Variants in M1AP observed in about 807,000 individuals in gnomAD.
The protein encoded by M1AP is meiosis 1 arrest protein.
Under a neutral mutation model 51.2 loss-of-function variants are expected in M1AP, and 39 were observed. The observed-to-expected ratio is 0.76, with a 90% CI of 0.59 to 1.00. The LOEUF is 1.00. Ranked by LOEUF, M1AP falls within the 50% of genes least tolerant of loss-of-function variation. The pLI, the probability that M1AP is intolerant of heterozygous loss-of-function variation, is 0.00. For synonymous variants in M1AP, 251 were observed against 249.2 expected (o/e 1.01, Z -0.07); for missense variants, 545 against 641.2 (o/e 0.85, Z 1.62).
At chr2:74,609,598 T>C (rs1321852468) in intron 3 of M1AP, among the ~76,000 whole-genome samples, 1 of 152,240 alleles carries the variant, frequency 6.6e-6, no homozygotes, top group Non-Finnish European at 1.5e-5. Context: ...TTGGATTATA[T>C]GGTAGCTCTG....
At chr2:74,576,391 T>G in intron 6 of M1AP, 65 bp downstream of exon 6, 1 of 1,540,254 alleles carries the variant, frequency 6.5e-7, no homozygotes, top group Admixed American at 1.7e-5. Context: ...ATCTCTGGAG[T>G]TCCTAGCCAC....
chr2:74,579,342 G>A (rs1679266650), intron 5 of M1AP, among the ~76,000 whole-genome samples: 1 of 152,220 alleles, frequency 6.6e-6, no homozygotes. Context: ...GAATTGCTTA[G>A]CATGAGGCAG....
intron 4 of M1AP, among the ~76,000 whole-genome samples, chr2:74,604,897 A>AT (rs1416801783): frequency 6.6e-6 from 1 of 152,208 alleles, no homozygotes; most frequent in East Asian, 1.9e-4. Context: ...CTCCAAAAAA[A>AT]TCCTAGGAGA....
chr2:74,628,517 G>A (rs1301092143), intron 2 of M1AP: 2 of 472,750 alleles, frequency 4.2e-6, no homozygotes, highest in African/African-American at 4.0e-5. Context: ...AGGCACTAAA[G>A]GCAAATATCA....
At chr2:74,573,589 G>A (rs1489290917) in intron 7 of M1AP, among the ~76,000 whole-genome samples, 1 of 152,164 alleles carries the variant, frequency 6.6e-6, no homozygotes, top group Non-Finnish European at 1.5e-5. Flanking sequence ...CTGGCCTCAA[G>A]TGATCCACCT....
intron 7 of M1AP, among the ~76,000 whole-genome samples, chr2:74,562,837 G>A (rs934681768): frequency 2.0e-5 from 3 of 152,058 alleles, no homozygotes; most frequent in Admixed American, 6.5e-5. Context: ...GATTCCTTGA[G>A]CCTAGCAGAT....
At chr2:74,647,021 A>G (rs1683652095) in intron 1 of M1AP, among the ~76,000 whole-genome samples, 3 of 152,094 alleles carry the variant, frequency 2.0e-5, no homozygotes, top group Admixed American at 2.0e-4. Flanking sequence ...TTCTGACCCT[A>G]TACTCTCCAC....
Position 74,558,293 on chromosome 2 carries a change from A to G in M1AP, c.*423T>C, listed in dbSNP as rs957577473. 1.1e-5 allele frequency: 2 copies of G among 176,172 alleles called. No homozygotes were observed. Among genetic ancestry groups the G allele is most frequent in the African/African-American group, 4.8e-5 (2 of 41,540 alleles). 10.9% of individuals were successfully genotyped at this position (176,172 alleles called of 1,614,324 possible). ...GCTCTGAAATGAGGCTTGGATTTCA[A>G]TCTTACTTGTCTTTTATGAGCTTTC... On this transcript the variant is annotated 3_prime_UTR_variant, in exon 11 of 11. Coordinates refer to ENST00000421985, the MANE Select transcript of M1AP (RefSeq NM_001321739.2).
chr2:74,602,209 T>C (rs1253493483), intron 4 of M1AP, among the ~76,000 whole-genome samples: 1 of 152,224 alleles, frequency 6.6e-6, no homozygotes, highest in Non-Finnish European at 1.5e-5. Flanking sequence ...ATCATTTGTT[T>C]TTTTTTCAAT....
In M1AP at chr2:74,558,755, G is replaced by A. The variant is rs769313672; in HGVS notation, c.1554C>T (p.Phe518=). Residue 518 remains phenylalanine (F), a synonymous_variant, in exon 11 of 11, where the codon TTC becomes TTT. Transcript: ENST00000421985. ...AASKSSSDAF[F]LPSEWEKDPS... ...GATCCTTCTCCCACTCTGAAGGCAG[G>A]AAGAAGGCATCTGAGGAAGATTTGC... 1 of 1,612,932 alleles carries A rather than the reference G, an allele frequency of 6.2e-7. No individual in the cohort carries two copies. The highest frequency in any genetic ancestry group is 1.1e-5 in the South Asian group (1 of 90,728).
At chr2:74,640,431 G>T in intron 1 of M1AP, 104 bp from the exon 2 acceptor site, 2 of 951,932 alleles carry the variant, frequency 2.1e-6, no homozygotes, top group Non-Finnish European at 3.0e-6. Context: ...AAAGGAGTCA[G>T]ATTGGGTACT....
intron 6 of M1AP, among the ~76,000 whole-genome samples, chr2:74,576,082 AG>A (rs1377274988): frequency 6.6e-6 from 1 of 152,164 alleles, no homozygotes; most frequent in Non-Finnish European, 1.5e-5. Context: ...GAGAAATGGG[AG>A]GGGGCAGGGG....
chr2:74,643,710 CA>C (rs1325528032), intron 1 of M1AP, among the ~76,000 whole-genome samples: 1 of 151,836 alleles, frequency 6.6e-6, no homozygotes, highest in East Asian at 1.9e-4. Flanking sequence ...CCTCCCACCT[CA>C]GCCTCCTAAG....
At chr2:74,642,250 T>C (rs903710954) in intron 1 of M1AP, among the ~76,000 whole-genome samples, 3 of 150,746 alleles carry the variant, frequency 2.0e-5, no homozygotes, top group Non-Finnish European at 4.4e-5. Context: ...AAATAAAATA[T>C]AGAGAAATTG....
chr2:74,616,558 A>G (rs1000240289), intron 2 of M1AP, among the ~76,000 whole-genome samples: 2 of 152,172 alleles, frequency 1.3e-5, no homozygotes, highest in Non-Finnish European at 2.9e-5. Context: ...ATCATAATGT[A>G]AAAGAATTTT....
intron 2 of M1AP, among the ~76,000 whole-genome samples, chr2:74,637,859 A>C (rs1264897937): frequency 6.6e-6 from 1 of 152,040 alleles, no homozygotes; most frequent in African/African-American, 2.4e-5. Context: ...TACTCTGCTG[A>C]ATACTCAAGG....
intron 4 of M1AP, among the ~76,000 whole-genome samples, chr2:74,584,042 T>C (rs940577226): frequency 6.6e-6 from 1 of 152,172 alleles, no homozygotes; most frequent in Non-Finnish European, 1.5e-5. Flanking sequence ...TGACCATTTT[T>C]CCCCAAACTC....
chr2:74,607,265 T>G (rs975455169), intron 3 of M1AP, 42 bp from the exon 4 acceptor site: 1 of 1,591,352 alleles, frequency 6.3e-7, no homozygotes, highest in East Asian at 2.2e-5. Flanking sequence ...TTCTCCCTGA[T>G]GTACAGAGTG....
At chr2:74,577,825 T>C (rs933132078) in intron 5 of M1AP, among the ~76,000 whole-genome samples, 2 of 152,168 alleles carry the variant, frequency 1.3e-5, no homozygotes, top group African/African-American at 4.8e-5. Context: ...TGGACAGCTG[T>C]GTTCATCTGG....
Sources: gnomAD v4.1 joint callset for allele counts (sites outside exome capture counted in the v4.1 genomes callset) on GRCh38, gnomAD v4.1.1 for gene constraint, MANE v1.5 for transcripts, NCBI Gene and HGNC (gene_info 2026-07-23, HGNC 2026-07-21) for gene names.